Variants in KRTAP26-1 observed in about 807,000 individuals in gnomAD.
KRTAP26-1 encodes keratin-associated protein 26-1.
For synonymous variants in KRTAP26-1, 111 were observed against 103.3 expected (o/e 1.07, Z -0.45); for missense variants, 273 against 260.9 (o/e 1.05, Z -0.32).
rs144325803 is a variant in KRTAP26-1, at chr21:30,319,766, C to T, written c.270G>A (p.Arg90=). Residue 90 remains arginine (R), a synonymous_variant, in exon 1 of 1, where the codon AGG becomes AGA. Coordinates refer to ENST00000360542, the MANE Select transcript of KRTAP26-1 (RefSeq NM_203405.2). ...CGSSTAYYVP[R]PCQGSSFLPA... The stretch of plus-strand genomic sequence containing the variant: ...GAAGAAAACTGCTTCCTTGGCAAGG[C>T]CTGGGCACGTAGTAAGCAGTGGAAG... 136 of 1,613,922 alleles carry T rather than the reference C, an allele frequency of 8.4e-5. No individual in the cohort carries two copies. The highest frequency in any genetic ancestry group is 2.8e-4 in the Admixed American group (17 of 60,002).
In KRTAP26-1 at chr21:30,320,013, G is replaced by A. The variant is rs143081068; in HGVS notation, c.23C>T (p.Ser8Leu). The change falls in exon 1 of 1, where the codon TCG (serine) becomes TTG (leucine). Residue 8 changes from serine (S) to leucine (L), a missense_variant. Physicochemically the swap from Ser to Leu is moderately radical, Grantham distance 145 (BLOSUM62 -2). Coordinates refer to ENST00000360542, the MANE Select transcript of KRTAP26-1 (RefSeq NM_203405.2). Reference sequence around the variant, plus strand: ...GAGAGATCCTGAGTTGGAGTTTCCCGAGCAGTAGTTGGGGCAAGACATAGT... The same window carrying A: ...GAGAGATCCTGAGTTGGAGTTTCCCAAGCAGTAGTTGGGGCAAGACATAGT... MSCPNYCSGNSNSGSLRT... is the reference protein window; with the variant it reads MSCPNYCLGNSNSGSLRT... The A allele has an allele frequency of 8.0e-5, 128 of 1,604,936 alleles. No individual in the cohort carries two copies. The highest frequency in any genetic ancestry group is 1.0e-4 in the Non-Finnish European group (120 of 1,174,914).
In KRTAP26-1 at chr21:30,319,858, A is replaced by T; in HGVS notation, c.178T>A (p.Cys60Ser). The change falls in exon 1 of 1, where the codon TGC becomes AGC. Residue 60 changes from cysteine to serine, a missense_variant. By Grantham distance (112) the Cys-to-Ser change is moderately radical. Coordinates refer to ENST00000360542, the MANE Select transcript of KRTAP26-1 (RefSeq NM_203405.2). ...GGCTGGCAGCTGGTTGGTTCACCGCAGGTCTCTTGGCAGTTGTCTGTGACC... is the reference window on the plus strand; with the variant it reads ...GGCTGGCAGCTGGTTGGTTCACCGCTGGTCTCTTGGCAGTTGTCTGTGACC... ...TWVTDNCQET[C>S]GEPTSCQPVH... The T allele has an allele frequency of 6.2e-7, 1 of 1,614,110 alleles. No individual in the cohort carries two copies. Among genetic ancestry groups the T allele is most frequent in the Non-Finnish European group, 8.5e-7 (1 of 1,180,006 alleles).
rs1422870204 is a variant in KRTAP26-1, at chr21:30,320,190, C to G, written c.-155G>C. The G allele has an allele frequency of 1.7e-6, 1 of 590,152 alleles. No homozygotes were observed. The highest frequency in any genetic ancestry group is 2.9e-6 in the Non-Finnish European group (1 of 339,782). The allele number at this position is 590,152 out of a possible 1,614,324, so 36.6% of individuals were successfully genotyped here. A position where few individuals can be genotyped will look rare whatever the true frequency, so the allele number is the denominator to read the frequency against. On this transcript the variant is annotated 5_prime_UTR_variant, in exon 1 of 1. Transcript: ENST00000360542. ...TGTTGTATGAAGATGCATCAGAACT[C>G]TTTATTATAGCCAAGGAAGTGAGGC... is the stretch of plus-strand genomic sequence containing the variant.
At position 30,319,856 on chromosome 21, in the gene KRTAP26-1, G is replaced by A. The variant is rs759084373; in HGVS notation, c.180C>T (p.Cys60=). The A allele has an allele frequency of 6.2e-7, 1 of 1,614,098 alleles. No homozygotes were observed. Among genetic ancestry groups the A allele is most frequent in the Non-Finnish European group, 8.5e-7 (1 of 1,179,986 alleles). The change falls in exon 1 of 1, where the codon TGC becomes TGT. Residue 60 remains cysteine, a synonymous_variant. Transcript: ENST00000360542. ...CCGGCTGGCAGCTGGTTGGTTCACC[G>A]CAGGTCTCTTGGCAGTTGTCTGTGA... is the stretch of plus-strand genomic sequence containing the variant. ...TWVTDNCQET[C]GEPTSCQPVH...
In KRTAP26-1 at chr21:30,319,241, A is replaced by T; in HGVS notation, c.*162T>A. 3.1e-6 allele frequency: 2 copies of T among 641,350 alleles called. No homozygotes were observed. The allele number at this position is 641,350 out of a possible 1,614,324, so 39.7% of individuals were successfully genotyped here. ...TTTTTTGATGTCAAGGAAAGATGAA[A>T]ACAAGATAAAACATGCGAGAGAAGC... is the stretch of plus-strand genomic sequence containing the variant. On this transcript the variant is annotated 3_prime_UTR_variant, in exon 1 of 1. Transcript: ENST00000360542.
At position 30,319,623 on chromosome 21, in the gene KRTAP26-1, C is replaced by T; in HGVS notation, c.413G>A (p.Cys138Tyr). ...LLNSYQPIGD[C>Y]VPNAYRPQFC... ...TTGGGGGCGATAGGCATTGGGCACACAGTCTCCTATGGGCTGGTAACTATT... is the reference window on the plus strand; with the variant it reads ...TTGGGGGCGATAGGCATTGGGCACATAGTCTCCTATGGGCTGGTAACTATT... Residue 138 changes from cysteine to tyrosine, a missense_variant, in exon 1 of 1, where the codon TGT (cysteine) becomes TAT (tyrosine). By Grantham distance (194) the Cys-to-Tyr change is radical (BLOSUM62 -2). Coordinates refer to ENST00000360542, the MANE Select transcript of KRTAP26-1 (RefSeq NM_203405.2). 2.5e-6 allele frequency: 4 copies of T among 1,613,870 alleles called. No individual in the cohort carries two copies. Among genetic ancestry groups the T allele is most frequent in the Non-Finnish European group, 3.4e-6 (4 of 1,179,928 alleles).
chr21:30,319,478 C>T lies in KRTAP26-1; in HGVS notation c.558G>A (p.Leu186=), dbSNP rs1344114775. Residue 186 remains leucine (L), a synonymous_variant, in exon 1 of 1, where the codon CTG becomes CTA. Transcript: ENST00000360542. ...LHVVSSSLRP[L]GPLFSGCQPL... ...GTTGGCAACCACTGAACAGAGGCCC[C>T]AGAGGTCTGAGGCTGCTGGACACAA... 6.2e-7 allele frequency: 1 copy of T among 1,613,912 alleles called. No homozygotes were observed. Among genetic ancestry groups the T allele is most frequent in the Admixed American group, 1.7e-5 (1 of 60,000 alleles).
Position 30,319,323 on chromosome 21 carries a change from G to A in KRTAP26-1, c.*80C>T. 1 of 1,412,438 alleles carries A rather than the reference G, an allele frequency of 7.1e-7. No homozygotes were observed. The highest frequency in any genetic ancestry group is 1.6e-5 in the South Asian group (1 of 62,440). 87.5% of individuals were successfully genotyped at this position (1,412,438 alleles called of 1,614,324 possible). ...AGAAACATCAGTTGCTACTAGCAAAGAAGCAAAAGTCCATGGAGTTTGAAT... is the reference window on the plus strand; with the variant it reads ...AGAAACATCAGTTGCTACTAGCAAAAAAGCAAAAGTCCATGGAGTTTGAAT... On this transcript the variant is annotated 3_prime_UTR_variant, in exon 1 of 1. Coordinates refer to ENST00000360542, the MANE Select transcript of KRTAP26-1 (RefSeq NM_203405.2).
chr21:30,319,802 G>T lies in KRTAP26-1; in HGVS notation c.234C>A (p.Thr78=). 1 of 1,613,738 alleles carries T rather than the reference G, an allele frequency of 6.2e-7. No individual in the cohort carries two copies. Among genetic ancestry groups the T allele is most frequent in the Non-Finnish European group, 8.5e-7 (1 of 1,179,766 alleles). The change falls in exon 1 of 1, where the codon ACC becomes ACA. Residue 78 remains threonine (T), a synonymous_variant. Coordinates refer to ENST00000360542, the MANE Select transcript of KRTAP26-1 (RefSeq NM_203405.2). ...PVHCETGNLE[T]SCGSSTAYYV... ...AGTAAGCAGTGGAAGAACCGCAAGA[G>T]GTTTCAAGATTGCCGGTCTCACAGT...
In KRTAP26-1 at chr21:30,319,331, A is replaced by G; in HGVS notation, c.*72T>C. 1 of 1,447,754 alleles carries G rather than the reference A, an allele frequency of 6.9e-7. No individual in the cohort carries two copies. The highest frequency in any genetic ancestry group is 9.2e-7 in the Non-Finnish European group (1 of 1,084,256). 89.7% of individuals were successfully genotyped at this position (1,447,754 alleles called of 1,614,324 possible). On this transcript the variant is annotated 3_prime_UTR_variant, in exon 1 of 1. Coordinates refer to ENST00000360542, the MANE Select transcript of KRTAP26-1 (RefSeq NM_203405.2). ...CAGTTGCTACTAGCAAAGAAGCAAA[A>G]GTCCATGGAGTTTGAATTTTTGTTG... is the stretch of plus-strand genomic sequence containing the variant.
In KRTAP26-1 at chr21:30,319,604, G is replaced by T. The variant is rs1289265132; in HGVS notation, c.432C>A (p.Arg144=). The change falls in exon 1 of 1, where the codon CGC becomes CGA. Residue 144 remains arginine (R), a synonymous_variant. Transcript: ENST00000360542. The part of the protein sequence containing the change: ...PIGDCVPNAY[R]PQFCLSKSCQ... ...AACTCTTGGACAAGCAGAATTGGGG[G>T]CGATAGGCATTGGGCACACAGTCTC... 6.2e-7 allele frequency: 1 copy of T among 1,613,838 alleles called. No homozygotes were observed. Among genetic ancestry groups the T allele is most frequent in the Admixed American group, 1.7e-5 (1 of 59,994 alleles).
Position 30,319,234 on chromosome 21 carries a change from A to G in KRTAP26-1, c.*169T>C. 1 of 599,790 alleles carries G rather than the reference A, an allele frequency of 1.7e-6. No homozygotes were observed. Among genetic ancestry groups the G allele is most frequent in the East Asian group, 2.7e-5 (1 of 36,478 alleles). The allele number at this position is 599,790 out of a possible 1,614,324, so 37.2% of individuals were successfully genotyped here. A position where few individuals can be genotyped will look rare whatever the true frequency, so the allele number is the denominator to read the frequency against. ...AACTAATTTTTTTGATGTCAAGGAAAGATGAAAACAAGATAAAACATGCGA... is the reference window on the plus strand; with the variant it reads ...AACTAATTTTTTTGATGTCAAGGAAGGATGAAAACAAGATAAAACATGCGA... On this transcript the variant is annotated 3_prime_UTR_variant, in exon 1 of 1. Transcript: ENST00000360542.
chr21:30,319,456 G>A, the KRTAP26-1 span: 2 of 1,613,866 alleles, frequency 1.2e-6, no homozygotes, highest in Non-Finnish European at 1.7e-6. Flanking sequence ...GTCAGAGGTT[G>A]GCAACCACTG....
Position 30,319,230 on chromosome 21 carries a change from G to A in KRTAP26-1, c.*173C>T, listed in dbSNP as rs1439623180. ...TGTAAACTAATTTTTTTGATGTCAA[G>A]GAAAGATGAAAACAAGATAAAACAT... On this transcript the variant is annotated 3_prime_UTR_variant, in exon 1 of 1. Coordinates refer to ENST00000360542, the MANE Select transcript of KRTAP26-1 (RefSeq NM_203405.2). 1.5e-5 allele frequency: 9 copies of A among 587,170 alleles called. No homozygotes were observed. The highest frequency in any genetic ancestry group is 2.2e-5 in the Non-Finnish European group (8 of 357,242). The allele number at this position is 587,170 out of a possible 1,614,324, so 36.4% of individuals were successfully genotyped here.
At position 30,319,248 on chromosome 21, in the gene KRTAP26-1, T is replaced by TA; in HGVS notation, c.*154dup. Reference sequence around the variant, plus strand: ...ATGTCAAGGAAAGATGAAAACAAGATAAAACATGCGAGAGAAGCAGCTTGC... The same window carrying TA: ...ATGTCAAGGAAAGATGAAAACAAGATAAAAACATGCGAGAGAAGCAGCTTGC... On this transcript the variant is annotated 3_prime_UTR_variant, in exon 1 of 1. Transcript: ENST00000360542. 1.5e-6 allele frequency: 1 copy of TA among 678,716 alleles called. No homozygotes were observed. Among genetic ancestry groups the TA allele is most frequent in the East Asian group, 2.6e-5 (1 of 37,980 alleles). The allele number at this position is 678,716 out of a possible 1,614,324, so 42.0% of individuals were successfully genotyped here. A position where few individuals can be genotyped will look rare whatever the true frequency, so the allele number is the denominator to read the frequency against.
rs920764314 is a variant in KRTAP26-1 at position 30,319,286 on chromosome 21, A to G, written c.*117T>C. On this transcript the variant is annotated 3_prime_UTR_variant, in exon 1 of 1. Transcript: ENST00000360542. ...AGAAGCAGCTTGCATTAGATCAGGCACAGTAAAACTAAGAAACATCAGTTG... is the reference window on the plus strand; with the variant it reads ...AGAAGCAGCTTGCATTAGATCAGGCGCAGTAAAACTAAGAAACATCAGTTG... The G allele has an allele frequency of 1.4e-5, 14 of 1,009,548 alleles. No individual in the cohort carries two copies. In the African/African-American group the frequency reaches 2.1e-4, roughly 15 times the overall value. 62.5% of individuals were successfully genotyped at this position (1,009,548 alleles called of 1,614,324 possible).
Position 30,319,945 on chromosome 21 carries a change from G to A in KRTAP26-1, c.91C>T (p.Pro31Ser), listed in dbSNP as rs1003391512. ...ACATCTCCACAGCTCACGCTGGTAG[G>A]GCAGAGGTCGATGGAGGTGAGAGGA... The part of the protein sequence containing the change: ...HIPLTSIDLC[P>S]TSVSCGDVLY... The change falls in exon 1 of 1, where the codon CCT (proline) becomes TCT (serine). Residue 31 changes from proline to serine, a missense_variant. By Grantham distance (74) the Pro-to-Ser change is moderately conservative. Transcript: ENST00000360542. The A allele has an allele frequency of 2.5e-6, 4 of 1,614,006 alleles. No homozygotes were observed. In the African/African-American group the frequency reaches 4.0e-5, roughly 16 times the overall value.
At chr21:30,319,796 G>T in the KRTAP26-1 span, 12 of 1,613,506 alleles carry the variant, frequency 7.4e-6, no homozygotes, top group South Asian at 2.2e-5. Context: ...TGGAAGAACC[G>T]CAAGAGGTTT....
At position 30,320,246 on chromosome 21, in the gene KRTAP26-1, G is replaced by T. The variant is rs1359148439; in HGVS notation, c.-211C>A. The T allele has an allele frequency of 4.1e-6, 2 of 482,250 alleles. No individual in the cohort carries two copies. The highest frequency in any genetic ancestry group is 7.6e-6 in the Non-Finnish European group (2 of 263,768). The allele number at this position is 482,250 out of a possible 1,614,324, so 29.9% of individuals were successfully genotyped here. On this transcript the variant is annotated 5_prime_UTR_variant, in exon 1 of 1. Coordinates refer to ENST00000360542, the MANE Select transcript of KRTAP26-1 (RefSeq NM_203405.2). ...CCCTCCATAAAACTGGATGCTCCTT[G>T]CAATGCCATCCATTGATTACGTCTA...
Sources: allele counts gnomAD v4.1 joint callset, GRCh38; gene constraint gnomAD v4.1.1; transcripts MANE v1.5; gene names NCBI Gene and HGNC (gene_info 2026-07-23, HGNC 2026-07-21).